The following TFPI2 variants were observed in gnomAD, a reference collection of about 807,000 sequenced individuals.
The protein encoded by TFPI2 is tissue factor pathway inhibitor 2.
A neutral mutation model predicts 23.1 loss-of-function variants in TFPI2; 23 were observed. The ratio of observed to expected loss-of-function variants is 1.00; its 90% CI spans 0.72 to 1.41. The LOEUF (loss-of-function observed/expected upper bound fraction) is 1.41. TFPI2 is among the 40% of genes most tolerant of loss of function. The pLI, the probability that TFPI2 is intolerant of heterozygous loss-of-function variation, is 0.00. For synonymous variants in TFPI2, 119 were observed against 111.7 expected (o/e 1.07, Z -0.41); for missense variants, 291 against 299.6 (o/e 0.97, Z 0.21).
At chr7:93,887,051 C>CATGAAT (rs1382411218) in intron 4 of TFPI2, among the ~76,000 whole-genome samples, 155 bp from the exon 5 acceptor site, 1 of 152,062 alleles carries the variant, frequency 6.6e-6, no homozygotes, top group East Asian at 1.9e-4. Flanking sequence ...TAATATTTTA[C>CATGAAT]CTTTAAGATA....
At chr7:93,889,323 G>GT (rs1794079568) in intron 2 of TFPI2, 100 bp from the exon 3 acceptor site, 2 of 1,131,512 alleles carry the variant, frequency 1.8e-6, no homozygotes, top group South Asian at 3.4e-5. Flanking sequence ...GAGAGAAGTT[G>GT]TATTAGTGTT....
rs941366206 is a variant in TFPI2 at position 93,886,733 on chromosome 7, T to C, written c.*87A>G. On this transcript the variant is annotated 3_prime_UTR_variant, in exon 5 of 5. Coordinates refer to ENST00000222543, the MANE Select transcript of TFPI2 (RefSeq NM_006528.4). ...TGGTGAATAAATCACCAATGATTTGTTTCCTCATGCTGTCATATTATTCTT... is the reference window on the plus strand; with the variant it reads ...TGGTGAATAAATCACCAATGATTTGCTTCCTCATGCTGTCATATTATTCTT... 41 of 915,378 alleles carry C rather than the reference T, an allele frequency of 4.5e-5. No homozygotes were observed. The highest frequency in any genetic ancestry group is 6.0e-5 in the Non-Finnish European group (37 of 618,620). The allele number at this position is 915,378 out of a possible 1,614,324, so 56.7% of individuals were successfully genotyped here.
chr7:93,885,931 C>G lies in TFPI2; in HGVS notation c.*889G>C, dbSNP rs906557879. On this transcript the variant is annotated 3_prime_UTR_variant, in exon 5 of 5. Transcript: ENST00000222543. ...GTTTTATTACAGAGAAAGAAAAAAC[C>G]TATTTCATTGGTATGACCATATTTA... The G allele has an allele frequency of 6.6e-6, 1 of 151,806 alleles. No individual in the cohort carries two copies. The highest frequency in any genetic ancestry group is 6.6e-5 in the Admixed American group (1 of 15,248). The allele number at this position is 151,806 out of a possible 1,614,324, so 9.4% of individuals were successfully genotyped here. A position where few individuals can be genotyped will look rare whatever the true frequency, so the allele number is the denominator to read the frequency against.
At chr7:93,887,161 A>G (rs1794009063) in intron 4 of TFPI2, 100 bp downstream of exon 4, 1 of 1,208,750 alleles carries the variant, frequency 8.3e-7, no homozygotes, top group Non-Finnish European at 1.1e-6. Flanking sequence ...GTCTAGAAAC[A>G]GCAATTTGCT....
intron 3 of TFPI2, among the ~76,000 whole-genome samples, chr7:93,888,588 A>AAG (rs1562778499): frequency 3.4e-5 from 2 of 58,622 alleles, no homozygotes; most frequent in South Asian, 4.8e-4. Context: ...AAGGAAGGAA[A>AAG]GAGAAAGAAA....
intron 3 of TFPI2, among the ~76,000 whole-genome samples, chr7:93,888,200 C>A (rs916190983): frequency 2.6e-5 from 4 of 152,080 alleles, no homozygotes; most frequent in African/African-American, 7.2e-5. Flanking sequence ...GAAATCTAAC[C>A]GAAAACTTTA....
At chr7:93,888,613 A>AAAGAG (rs1562778543) in intron 3 of TFPI2, among the ~76,000 whole-genome samples, 3 of 143,610 alleles carry the variant, frequency 2.1e-5, no homozygotes, top group African/African-American at 8.1e-5. Flanking sequence ...GAAAGAGAAA[A>AAAGAG]AGAAAGGAGA....
Position 93,888,528 on chromosome 7 carries a change from G to A in TFPI2, c.460+507C>T, listed in dbSNP as rs140516087. ...AGAAAGAAAGAAAAGAAAGAAAGAAGGAAGGAAGGAAGGAAAGAAGGAAGG... is the reference window on the plus strand; with the variant it reads ...AGAAAGAAAGAAAAGAAAGAAAGAAAGAAGGAAGGAAGGAAAGAAGGAAGG... On this transcript the variant is annotated intron_variant, in intron 3 of 4. Transcript: ENST00000222543. Among the ~76,000 whole-genome samples, 848 of 96,302 alleles carry A rather than the reference G, an allele frequency of 8.8e-3. 8 individuals are homozygous for A. Among genetic ancestry groups the A allele is most frequent in the African/African-American group, 0.024 (513 of 21,364 alleles). The allele number at this position is 96,302 out of a possible 152,430, so 63.2% of individuals were successfully genotyped here.
At position 93,890,626 on chromosome 7, in the gene TFPI2, T is replaced by C; in HGVS notation, c.53A>G (p.Glu18Gly). 6.2e-7 allele frequency: 1 copy of C among 1,613,384 alleles called. No individual in the cohort carries two copies. The highest frequency in any genetic ancestry group is 8.5e-7 in the Non-Finnish European group (1 of 1,179,822). ...GLSILLLFLTEAALGDAAQEP... is the reference protein window; with the variant it reads ...GLSILLLFLTGAALGDAAQEP... ...CTGAGCAGCATCGCCCAGTGCAGCC[T>C]CCGTCAGGAAAAGCAGCAGAATCGA... Residue 18 changes from glutamate (E) to glycine (G), a missense_variant, in exon 1 of 5, where the codon GAG (glutamate) becomes GGG (glycine). Coordinates refer to ENST00000222543, the MANE Select transcript of TFPI2 (RefSeq NM_006528.4).
In TFPI2 at chr7:93,890,084, C is replaced by G. The variant is rs1359740856; in HGVS notation, c.271+53G>C. Reference sequence around the variant, plus strand: ...ACGTGGGAAACTGGCGAAGCTGCTACCAGCCGCCGGCGCAAGGAGCGCGAG... The same window carrying G: ...ACGTGGGAAACTGGCGAAGCTGCTAGCAGCCGCCGGCGCAAGGAGCGCGAG... On this transcript the variant is annotated intron_variant, in intron 2 of 4. Coordinates refer to ENST00000222543, the MANE Select transcript of TFPI2 (RefSeq NM_006528.4). 16 of 1,501,574 alleles carry G rather than the reference C, an allele frequency of 1.1e-5. No homozygotes were observed. In the East Asian group the frequency reaches 3.6e-4, roughly 34 times the overall value. 93.0% of individuals were successfully genotyped at this position (1,501,574 alleles called of 1,614,324 possible).
chr7:93,890,427 C>T (rs1794110072), intron 1 of TFPI2, 108 bp from the exon 2 acceptor site: 3 of 1,445,934 alleles, frequency 2.1e-6, no homozygotes, highest in African/African-American at 2.9e-5. Context: ...GCGGAGGGGC[C>T]TCTGCAGAGA....
At chr7:93,887,480 T>A in intron 3 of TFPI2, 49 bp from the exon 4 acceptor site, 1 of 1,472,642 alleles carries the variant, frequency 6.8e-7, no homozygotes, top group Non-Finnish European at 9.3e-7. Context: ...ACCAGAATTT[T>A]TAAATTATGG....
chr7:93,888,589 G>GGAAAGAGAAAGAA lies in TFPI2; in HGVS notation c.460+445_460+446insTTCTTTCTCTTTC, dbSNP rs138314368. ...GGAAGGAAGGAAGGAAGGAAGGAAAGAGAAAGAAAGAAAGAAAGAGAAAAA... is the reference window on the plus strand; with the variant it reads ...GGAAGGAAGGAAGGAAGGAAGGAAAGGAAAGAGAAAGAAAGAAAGAAAGAAAGAAAGAGAAAAA... On this transcript the variant is annotated intron_variant, in intron 3 of 4. Coordinates refer to ENST00000222543, the MANE Select transcript of TFPI2 (RefSeq NM_006528.4). Among the ~76,000 whole-genome samples, 61 of 103,342 alleles carry GGAAAGAGAAAGAA rather than the reference G, an allele frequency of 5.9e-4. 1 individual carries two copies. The highest frequency in any genetic ancestry group is 2.6e-3 in the African/African-American group (55 of 20,902). The allele number at this position is 103,342 out of a possible 152,430, so 67.8% of individuals were successfully genotyped here.
chr7:93,888,869 C>T (rs1794067800), intron 3 of TFPI2, among the ~76,000 whole-genome samples, 166 bp downstream of exon 3: 1 of 152,102 alleles, frequency 6.6e-6, no homozygotes, highest in African/African-American at 2.4e-5. Flanking sequence ...AAATTTGAAT[C>T]ATGGCTTTGT....
At chr7:93,886,950 C>T in intron 4 of TFPI2, 54 bp from the exon 5 acceptor site, 3 of 1,252,420 alleles carry the variant, frequency 2.4e-6, no homozygotes, top group Non-Finnish European at 3.3e-6. Flanking sequence ...TGTAGGCTCA[C>T]TATAAATCAC....
chr7:93,887,449 G>T lies in TFPI2; in HGVS notation c.461-18C>A. 1 of 1,592,288 alleles carries T rather than the reference G, an allele frequency of 6.3e-7. No homozygotes were observed. The highest frequency in any genetic ancestry group is 1.1e-5 in the South Asian group (1 of 86,966). On this transcript the variant is annotated intron_variant, in intron 3 of 4. Transcript: ENST00000222543. Reference sequence around the variant, plus strand: ...TGATGGAACTTTATAAAAAAGAGAAGAAAATTAGAAATGTTATAATACCAG... The same window carrying T: ...TGATGGAACTTTATAAAAAAGAGAATAAAATTAGAAATGTTATAATACCAG...
intron 3 of TFPI2, among the ~76,000 whole-genome samples, 171 bp from the exon 4 acceptor site, chr7:93,887,602 A>G (rs1794020644): frequency 6.6e-6 from 1 of 152,206 alleles, no homozygotes; most frequent in Admixed American, 6.5e-5. Flanking sequence ...GTAAGCTTAC[A>G]TGCTATATTT....
intron 3 of TFPI2, among the ~76,000 whole-genome samples, chr7:93,888,584 GGAAAGAGAAAGAA>G: frequency 1.2e-5 from 1 of 81,452 alleles, no homozygotes; most frequent in South Asian, 4.3e-4. Flanking sequence ...AAGGAAGGAA[GGAAAGAGAAAGAA>G]AGAAAGAAAG....
intron 3 of TFPI2, among the ~76,000 whole-genome samples, chr7:93,888,234 A>G (rs1348809525): frequency 6.6e-6 from 1 of 152,242 alleles, no homozygotes; most frequent in Non-Finnish European, 1.5e-5. Context: ...AAGTTTCACC[A>G]TCTTAATTCT....
Sources: allele counts gnomAD v4.1 joint callset (sites outside exome capture counted in the v4.1 genomes callset), GRCh38; gene constraint gnomAD v4.1.1; transcripts MANE v1.5; gene names NCBI Gene and HGNC (gene_info 2026-07-23, HGNC 2026-07-21).